Variants in ERCC4 observed in about 807,000 individuals in gnomAD.
The protein encoded by ERCC4 is DNA repair endonuclease XPF.
In ERCC4, 65 loss-of-function variants were observed where a neutral mutation model predicts 76.9. The ratio of observed to expected loss-of-function variants is 0.84; its 90% CI spans 0.69 to 1.04. ERCC4 has a LOEUF of 1.04. Among genes scored for constraint, ERCC4 ranks in the 50% least tolerant of loss-of-function variants. ERCC4 has a pLI of 0.00. For missense variants in ERCC4, 1,214 were observed against 1,128.2 expected, an observed-to-expected ratio of 1.08 and a Z score of -1.09; for synonymous variants, 463 against 410.1, an observed-to-expected ratio of 1.13 and a Z score of -1.56.
At chr16:13,942,304 A>G (rs1414494202) in intron 9 of ERCC4, among the ~76,000 whole-genome samples, 1 of 152,192 alleles carries the variant, frequency 6.6e-6, no homozygotes, top group African/African-American at 2.4e-5. Context: ...TTCATAGTCC[A>G]GGTTTCATCT....
Position 13,950,767 on chromosome 16 carries a change from A to G in ERCC4, c.*2420A>G, listed in dbSNP as rs913794243. 1.4e-4 allele frequency: 28 copies of G among 193,880 alleles called. No homozygotes were observed. Among genetic ancestry groups the G allele is most frequent in the African/African-American group, 6.0e-4 (26 of 43,126 alleles). The allele number at this position is 193,880 out of a possible 1,614,324, so 12.0% of individuals were successfully genotyped here. ...TTTAATTGTTGTTTCATTATATAAA[A>G]GGAACATCTTCCCATAGCATATTCT... On this transcript the variant is annotated 3_prime_UTR_variant, in exon 11 of 11. Transcript: ENST00000311895.
chr16:13,935,658 A>C lies in ERCC4; in HGVS notation c.1726A>C (p.Arg576=). ...LTRVLHEVEP[R]YVVLYDAELT... is the part of the protein sequence containing the mutation. ...AAGGGTACTACATGAAGTGGAGCCA[A>C]GATACGTGGTTCTTTATGACGCAGA... Residue 576 remains arginine, a synonymous_variant, in exon 8 of 11, where the codon AGA becomes CGA. Coordinates refer to ENST00000311895, the MANE Select transcript of ERCC4 (RefSeq NM_005236.3). 6.2e-7 allele frequency: 1 copy of C among 1,614,104 alleles called. No individual in the cohort carries two copies. Among genetic ancestry groups the C allele is most frequent in the Non-Finnish European group, 8.5e-7 (1 of 1,180,008 alleles).
At chr16:13,944,689 G>A (rs779092652) in intron 9 of ERCC4, 34 bp from the exon 10 acceptor site, 9 of 1,387,976 alleles carry the variant, frequency 6.5e-6, no homozygotes, top group African/African-American at 2.8e-5. Context: ...TTTGAAATTT[G>A]TTTCAGAAGT....
At chr16:13,945,502 GATTGA>G (rs1567252476) in intron 10 of ERCC4, among the ~76,000 whole-genome samples, 1 of 152,194 alleles carries the variant, frequency 6.6e-6, no homozygotes. Context: ...AAAGCAATAC[GATTGA>G]GTTGGTTTAA....
rs2032270142 is a variant in ERCC4 at position 13,935,524 on chromosome 16, A to G, written c.1592A>G (p.His531Arg). 1.2e-6 allele frequency: 2 copies of G among 1,614,186 alleles called. No individual in the cohort carries two copies. Among genetic ancestry groups the G allele is most frequent in the Non-Finnish European group, 1.7e-6 (2 of 1,180,026 alleles). Reference protein sequence around the residue: ...SPESCPEEIKHEEFDVNLSSD... With the variant: ...SPESCPEEIKREEFDVNLSSD... ...GAAAGCTGCCCGGAAGAAATTAAGC[A>G]TGAAGAATTTGATGTAAATTTGTCA... Residue 531 changes from histidine (H) to arginine (R), a missense_variant, in exon 8 of 11, where the codon CAT (histidine) becomes CGT (arginine). Transcript: ENST00000311895.
rs1424594297 is a variant in ERCC4 at position 13,951,439 on chromosome 16, T to G, written c.*3092T>G. On this transcript the variant is annotated 3_prime_UTR_variant, in exon 11 of 11. Coordinates refer to ENST00000311895, the MANE Select transcript of ERCC4 (RefSeq NM_005236.3). The stretch of plus-strand genomic sequence containing the variant: ...AGTTTCATTTAAATCATGGTGCCTC[T>G]TTTGATACTTTCTTAAAATTGTGCA... 2 of 204,950 alleles carry G rather than the reference T, an allele frequency of 9.8e-6. No homozygotes were observed. Among genetic ancestry groups the G allele is most frequent in the African/African-American group, 4.6e-5 (2 of 43,784 alleles). 12.7% of individuals were successfully genotyped at this position (204,950 alleles called of 1,614,324 possible). A position where few individuals can be genotyped will look rare whatever the true frequency, so the allele number is the denominator to read the frequency against.
rs764093404 is a variant in ERCC4, at chr16:13,926,597, C to A, written c.425C>A (p.Ser142Tyr). Residue 142 changes from serine to tyrosine, a missense_variant, in exon 3 of 11, where the codon TCT becomes TAT. By Grantham distance (144) the Ser-to-Tyr change is moderately radical (BLOSUM62 -2). Coordinates refer to ENST00000311895, the MANE Select transcript of ERCC4 (RefSeq NM_005236.3). Reference sequence around the variant, plus strand: ...TATAGAGCCCACAGAATAATCGAGTCTTGTCAAGAAGCATTCATCTTGCGC... The same window carrying A: ...TATAGAGCCCACAGAATAATCGAGTATTGTCAAGAAGCATTCATCTTGCGC... ...LVYRAHRIIE[S>Y]CQEAFILRLF... is the part of the protein sequence containing the mutation. The A allele has an allele frequency of 6.2e-6, 10 of 1,614,034 alleles. No individual in the cohort carries two copies. Among genetic ancestry groups the A allele is most frequent in the Non-Finnish European group, 8.5e-6 (10 of 1,180,032 alleles).
chr16:13,926,746 C>T lies in ERCC4; in HGVS notation c.574C>T (p.Leu192=), dbSNP rs377547617. ...AAATCTTTTTGTGAGGAAACTGTAT[C>T]TGTGGCCAAGGTAAAGAACATTATG... The part of the protein sequence containing the change: ...MRNLFVRKLY[L]WPRFHVAVNS... The change falls in exon 3 of 11, where the codon CTG becomes TTG. Residue 192 remains leucine (L), a synonymous_variant. Coordinates refer to ENST00000311895, the MANE Select transcript of ERCC4 (RefSeq NM_005236.3). 2 of 1,612,374 alleles carry T rather than the reference C, an allele frequency of 1.2e-6. No individual in the cohort carries two copies. The highest frequency in any genetic ancestry group is 2.7e-5 in the African/African-American group (2 of 74,874).
At chr16:13,938,961 C>T (rs754125974) in intron 9 of ERCC4, among the ~76,000 whole-genome samples, 1 of 152,174 alleles carries the variant, frequency 6.6e-6, no homozygotes, top group Non-Finnish European at 1.5e-5. Flanking sequence ...CCCTTCACAT[C>T]CTCTCGAATG....
intron 2 of ERCC4, among the ~76,000 whole-genome samples, chr16:13,925,251 G>A (rs140570155): frequency 3.0e-4 from 46 of 152,166 alleles, no homozygotes; most frequent in East Asian, 9.6e-4. Context: ...TTTTTGGAGC[G>A]CAACATTTTC....
rs1249729575 is a variant in ERCC4, at chr16:13,948,926, G to A, written c.*579G>A. 1 of 232,400 alleles carries A rather than the reference G, an allele frequency of 4.3e-6. No individual in the cohort carries two copies. The highest frequency in any genetic ancestry group is 8.5e-6 in the Non-Finnish European group (1 of 117,644). The allele number at this position is 232,400 out of a possible 1,614,324, so 14.4% of individuals were successfully genotyped here. A position where few individuals can be genotyped will look rare whatever the true frequency, so the allele number is the denominator to read the frequency against. ...CTACAAAGGAGCCTTCTGGAACACT[G>A]AGAAGAAACATCTCTTTGCCATTCC... On this transcript the variant is annotated 3_prime_UTR_variant, in exon 11 of 11. Transcript: ENST00000311895.
chr16:13,922,548 T>C, intron 2 of ERCC4: 2 of 720,614 alleles, frequency 2.8e-6, no homozygotes, highest in Non-Finnish European at 5.1e-6. Context: ...TGGCCTCCAC[T>C]GTGTTTTGAA....
At position 13,934,165 on chromosome 16, in the gene ERCC4, G is replaced by C. The variant is rs184385734; in HGVS notation, c.1103-27G>C. On this transcript the variant is annotated intron_variant, in intron 6 of 10. Transcript: ENST00000311895. Reference sequence around the variant, plus strand: ...CTTTATGGGTAAATATTATCACATAGAATGAGATATTTTTATTTCTCTACA... The same window carrying C: ...CTTTATGGGTAAATATTATCACATACAATGAGATATTTTTATTTCTCTACA... 61 of 1,413,994 alleles carry C rather than the reference G, an allele frequency of 4.3e-5. No homozygotes were observed. In the Admixed American group the frequency reaches 7.8e-4, roughly 18 times the overall value. The allele number at this position is 1,413,994 out of a possible 1,614,324, so 87.6% of individuals were successfully genotyped here.
At position 13,950,338 on chromosome 16, in the gene ERCC4, T is replaced by A. The variant is rs567966619; in HGVS notation, c.*1991T>A. The A allele has an allele frequency of 1.0e-4, 19 of 188,346 alleles. No homozygotes were observed. In the South Asian group the frequency reaches 3.5e-3, roughly 35 times the overall value. 11.7% of individuals were successfully genotyped at this position (188,346 alleles called of 1,614,324 possible). Reference sequence around the variant, plus strand: ...CTTGATTTATTGGTACTTAACAGTATATATGGATTTTGAACTCTACACAAG... The same window carrying A: ...CTTGATTTATTGGTACTTAACAGTAAATATGGATTTTGAACTCTACACAAG... On this transcript the variant is annotated 3_prime_UTR_variant, in exon 11 of 11. Transcript: ENST00000311895.
In ERCC4 at chr16:13,920,358, C is replaced by T; in HGVS notation, c.193C>T (p.Gln65Ter). 1 of 1,584,602 alleles carries T rather than the reference C, an allele frequency of 6.3e-7. No individual in the cohort carries two copies. The highest frequency in any genetic ancestry group is 8.5e-7 in the Non-Finnish European group (1 of 1,172,678). ...CTGCCTGGTGCTGGTGCTCAACACG[C>T]AGCCGGCCGAGGAGGTGCGGCCGCG... ...PACLVLVLNT[Q>*]PAEEEYFINQ... The change falls in exon 1 of 11, where the codon CAG becomes TAG. Residue 65 changes from glutamine to a stop codon, truncating the protein, a stop_gained. Coordinates refer to ENST00000311895, the MANE Select transcript of ERCC4 (RefSeq NM_005236.3). LOFTEE classifies it high-confidence loss of function.
intron 6 of ERCC4, chr16:13,933,208 C>T (rs899307987): frequency 2.3e-5 from 4 of 170,772 alleles, no homozygotes; most frequent in Non-Finnish European, 3.9e-5. Context: ...TGACAGAGTA[C>T]GACTGTGTCT....
At chr16:13,922,982 T>A (rs1271081135) in intron 2 of ERCC4, among the ~76,000 whole-genome samples, 1 of 152,052 alleles carries the variant, frequency 6.6e-6, no homozygotes, top group Admixed American at 6.5e-5. Flanking sequence ...TTATAAATAA[T>A]CTTTGTATAT....
chr16:13,933,910 T>G, intron 6 of ERCC4: 1 of 338,164 alleles, frequency 3.0e-6, no homozygotes, highest in South Asian at 3.6e-5. Context: ...TTATATATAG[T>G]GTCACAGAAA....
intron 2 of ERCC4, chr16:13,922,503 G>T: frequency 1.3e-6 from 1 of 745,624 alleles, no homozygotes; most frequent in Non-Finnish European, 2.5e-6. Flanking sequence ...CATAGGCGTC[G>T]AAGATGCTCG....
Sources: gnomAD v4.1 joint callset for allele counts (sites outside exome capture counted in the v4.1 genomes callset) on GRCh38, gnomAD v4.1.1 for gene constraint, MANE v1.5 for transcripts, NCBI Gene and HGNC (gene_info 2026-07-23, HGNC 2026-07-21) for gene names.